Variants in PRKG1 observed in about 807,000 individuals in gnomAD.
The protein encoded by PRKG1 is cGMP-dependent protein kinase 1.
A neutral mutation model predicts 88.1 loss-of-function variants in PRKG1; 35 were observed. The ratio of observed to expected loss-of-function variants is 0.40; its 90% CI spans 0.30 to 0.53. The LOEUF (loss-of-function observed/expected upper bound fraction) is 0.53. PRKG1 is among the 20% of genes least tolerant of loss of function. PRKG1 has a pLI of 0.59. For missense variants in PRKG1, 540 were observed against 839.8 expected (o/e 0.64, Z 4.41); for synonymous variants, 303 against 292.5 (o/e 1.04, Z -0.37).
chr10:52,105,209 A>G (rs1038259720), intron 7 of PRKG1, among the ~76,000 whole-genome samples: 4 of 152,050 alleles, frequency 2.6e-5, no homozygotes, highest in Non-Finnish European at 4.4e-5. Flanking sequence ...TTTATTACCA[A>G]TTGGAAGAAA....
At chr10:51,790,281 C>T (rs570966982) in intron 3 of PRKG1, among the ~76,000 whole-genome samples, 36 of 152,218 alleles carry the variant, frequency 2.4e-4, no homozygotes, top group South Asian at 4.1e-4. Flanking sequence ...AATTCATTGT[C>T]ACTACCCAAT....
In PRKG1 at chr10:50,991,388, C is replaced by A; in HGVS notation, c.10C>A (p.Leu4Ile). The change falls in exon 1 of 18, where the codon CTA becomes ATA. Residue 4 changes from leucine (L) to isoleucine (I), a missense_variant. Coordinates refer to the PRKG1 transcript ENST00000401604. The surrounding 1 kb of genome is among the most constrained non-coding windows in gnomAD (Gnocchi z 4.5). ...GGGGCTCAGTGAAAAAATGAGCGAG[C>A]TAGAGGAAGACTTTGCCAAGATTCT... is the stretch of plus-strand genomic sequence containing the variant. 1 of 1,543,062 alleles carries A rather than the reference C, an allele frequency of 6.5e-7. No homozygotes were observed. The highest frequency in any genetic ancestry group is 8.7e-7 in the Non-Finnish European group (1 of 1,144,616).
chr10:51,452,177 A>C (rs1466274599), intron 2 of PRKG1, among the ~76,000 whole-genome samples: 1 of 151,916 alleles, frequency 6.6e-6, no homozygotes, highest in Non-Finnish European at 1.5e-5. Context: ...CATTACCCTA[A>C]AAAGAAATTG....
intron 1 of PRKG1, among the ~76,000 whole-genome samples, chr10:51,145,605 G>A (rs182313036): frequency 1.9e-3 from 296 of 152,250 alleles, no homozygotes; most frequent in African/African-American, 6.7e-3. Context: ...TTTTAGTTAG[G>A]CTCACGCGTA....
chr10:51,875,778 T>G (rs188919842), intron 4 of PRKG1, among the ~76,000 whole-genome samples: 1 of 152,200 alleles, frequency 6.6e-6, no homozygotes, highest in African/African-American at 2.4e-5. Context: ...TTCACAACTC[T>G]GGGGGGAAAC....
At chr10:51,645,029 C>T (rs773520295) in intron 3 of PRKG1, among the ~76,000 whole-genome samples, 55 of 152,198 alleles carry the variant, frequency 3.6e-4, no homozygotes, top group Middle Eastern at 3.4e-3. Flanking sequence ...CTAAAGTGAG[C>T]CAGACTGGTC....
rs193134697 is a variant in PRKG1 at position 51,634,397 on chromosome 10, T to C, written c.592+166561T>C. ...TAATTAGGGCCAAAGGGACCTCAAA[T>C]ATCAGTCTACACATCTAAAACTTGA... On this transcript the variant is annotated intron_variant, in intron 3 of 17. Coordinates refer to ENST00000373980, the MANE Select transcript of PRKG1 (RefSeq NM_006258.4). Among the ~76,000 whole-genome samples, 35 of 152,244 alleles carry C rather than the reference T, an allele frequency of 2.3e-4. 1 individual carries two copies. In the East Asian group the frequency reaches 6.0e-3, roughly 26 times the overall value.
chr10:51,483,009 CT>C (rs149140774), intron 3 of PRKG1, among the ~76,000 whole-genome samples: 46 of 110,454 alleles, frequency 4.2e-4, no homozygotes, highest in African/African-American at 1.3e-3. Context: ...TCTTTTCTTT[CT>C]TTTTTTTTTT....
At chr10:51,234,469 A>T (rs1485538817) in intron 2 of PRKG1, among the ~76,000 whole-genome samples, 1 of 152,170 alleles carries the variant, frequency 6.6e-6, no homozygotes, top group African/African-American at 2.4e-5. Context: ...CATTTAAGGC[A>T]AAAATAAACC....
At chr10:52,144,275 T>C (rs865843768) in intron 8 of PRKG1, among the ~76,000 whole-genome samples, 2 of 152,242 alleles carry the variant, frequency 1.3e-5, no homozygotes, top group Non-Finnish European at 1.5e-5. Flanking sequence ...GAAGATGTGT[T>C]TGGAAAGAAG....
At chr10:51,532,691 AT>A (rs1029718286) in intron 3 of PRKG1, among the ~76,000 whole-genome samples, 140 of 152,002 alleles carry the variant, frequency 9.2e-4, no homozygotes, top group African/African-American at 3.2e-3. Flanking sequence ...GGTCAATGTT[AT>A]TTCTGTGGTT....
intron 4 of PRKG1, among the ~76,000 whole-genome samples, chr10:51,813,017 G>T (rs1337152729): frequency 1.3e-5 from 2 of 152,180 alleles, no homozygotes; most frequent in African/African-American, 4.8e-5. Context: ...ACATTCATTA[G>T]CAGTTCCTGG....
At chr10:51,157,670 G>A (rs1431357358) in intron 2 of PRKG1, among the ~76,000 whole-genome samples, 2 of 151,618 alleles carry the variant, frequency 1.3e-5, no homozygotes, top group Non-Finnish European at 2.9e-5. Context: ...AGAGATATTG[G>A]TTTTGTTCAT....
intron 7 of PRKG1, among the ~76,000 whole-genome samples, chr10:52,079,700 A>C (rs1325402265): frequency 6.6e-6 from 1 of 152,188 alleles, no homozygotes; most frequent in Non-Finnish European, 1.5e-5. Context: ...AGAAAGCAGG[A>C]GATAGCTGGT....
intron 1 of PRKG1, among the ~76,000 whole-genome samples, chr10:51,028,613 G>T (rs1009475524): frequency 2.0e-5 from 3 of 152,148 alleles, no homozygotes; most frequent in Non-Finnish European, 4.4e-5. Flanking sequence ...AAAGGAAGAG[G>T]CAGAGTGGAA....
In PRKG1 at chr10:52,108,526, A is replaced by G. The variant is rs745734975; in HGVS notation, c.936-25314A>G. Among the ~76,000 whole-genome samples, 199 of 152,188 alleles carry G rather than the reference A, an allele frequency of 1.3e-3. 2 individuals carry two copies. Among genetic ancestry groups the G allele is most frequent in the Non-Finnish European group, 1.1e-3 (74 of 67,998 alleles). On this transcript the variant is annotated intron_variant, in intron 7 of 17. Coordinates refer to ENST00000373980, the MANE Select transcript of PRKG1 (RefSeq NM_006258.4). Reference sequence around the variant, plus strand: ...AAGTATCACTGCCCAAGTGAATCGCATTTTGCTGTGTCATGTAAAATGTGG... The same window carrying G: ...AAGTATCACTGCCCAAGTGAATCGCGTTTTGCTGTGTCATGTAAAATGTGG...
intron 7 of PRKG1, chr10:52,062,932 A>G (rs1846271717): frequency 3.1e-6 from 2 of 636,418 alleles, no homozygotes; most frequent in East Asian, 5.5e-5. Flanking sequence ...ATTCCCTGCT[A>G]AACTTTGTGC....
intron 3 of PRKG1, among the ~76,000 whole-genome samples, chr10:51,790,081 C>T (rs1459696718): frequency 6.6e-6 from 1 of 152,110 alleles, no homozygotes; most frequent in African/African-American, 2.4e-5. Flanking sequence ...CCTTGGCCTG[C>T]CAAAGTGATG....
At chr10:51,984,237 C>T (rs1161390077) in intron 5 of PRKG1, among the ~76,000 whole-genome samples, 1 of 152,054 alleles carries the variant, frequency 6.6e-6, no homozygotes, top group African/African-American at 2.4e-5. Context: ...AAGAGGAATG[C>T]ATTATTGAAG....
Sources: allele counts gnomAD v4.1 joint callset (sites outside exome capture counted in the v4.1 genomes callset), GRCh38; gene constraint gnomAD v4.1.1; non-coding constraint Gnocchi (gnomAD v3.1); transcripts MANE v1.5; gene names NCBI Gene and HGNC (gene_info 2026-07-23, HGNC 2026-07-21).